SPARC: variants seen among roughly 807,000 people sequenced by gnomAD.
SPARC encodes the protein basement-membrane protein 40.
A neutral mutation model predicts 37.7 loss-of-function variants in SPARC; 23 were observed. That is an observed-to-expected ratio of 0.61 (90% CI 0.44 to 0.87). The LOEUF is 0.87. Among genes scored for constraint, SPARC ranks in the 40% least tolerant of loss-of-function variants. The pLI is 0.00. For missense variants in SPARC, 312 were observed against 389.0 expected, an observed-to-expected ratio of 0.80 and a Z score of 1.66; for synonymous variants, 155 against 150.8, an observed-to-expected ratio of 1.03 and a Z score of -0.20.
chr5:151,663,964 G>A (rs1760568249), intron 9 of SPARC, 123 bp downstream of exon 9: 1 of 1,167,318 alleles, frequency 8.6e-7, no homozygotes, highest in African/African-American at 1.5e-5. Context: ...AGAGAGAGCA[G>A]AGACAGGCAG....
At chr5:151,666,055 T>C (rs571138445) in intron 8 of SPARC, among the ~76,000 whole-genome samples, 131 of 152,324 alleles carry the variant, frequency 8.6e-4, no homozygotes, top group African/African-American at 3.1e-3. Context: ...CTGCCACCCC[T>C]TGGAGCCTGG....
rs2304048 is a variant in SPARC, at chr5:151,666,567, G to T, written c.586-58C>A. On this transcript the variant is annotated intron_variant, in intron 7 of 9. Transcript: ENST00000231061. ...TCCATGGAGATTGTCTGGACCAGTC[G>T]GGCCCTCCCACCCCTCCCAGAAGGC... is the stretch of plus-strand genomic sequence containing the variant. The T allele has an allele frequency of 3.6e-4, 549 of 1,546,266 alleles. 10 individuals carry two copies. The East Asian group carries it at 0.012, about 35-fold the overall frequency.
chr5:151,686,191 A>G (rs769048199), intron 1 of SPARC, among the ~76,000 whole-genome samples: 3 of 152,222 alleles, frequency 2.0e-5, no homozygotes, highest in Non-Finnish European at 4.4e-5. Context: ...TACCATCCCA[A>G]GGAACTCAGG....
chr5:151,678,420 T>C (rs1760911144), intron 1 of SPARC, among the ~76,000 whole-genome samples: 2 of 152,198 alleles, frequency 1.3e-5, no homozygotes, highest in South Asian at 4.1e-4. Flanking sequence ...CCCCCATCCC[T>C]GCTGTTGCAG....
intron 6 of SPARC, among the ~76,000 whole-genome samples, chr5:151,668,081 C>T (rs1732266129): frequency 1.3e-5 from 2 of 152,160 alleles, no homozygotes; most frequent in African/African-American, 4.8e-5. Context: ...ACTTAGAATC[C>T]CAAATGTTGG....
intron 1 of SPARC, chr5:151,686,521 C>T (rs1761144223): frequency 6.6e-6 from 1 of 152,194 alleles, no homozygotes; most frequent in African/African-American, 2.4e-5. Flanking sequence ...AGGAGGCTGC[C>T]ACATTTGCAA....
Position 151,672,814 on chromosome 5 carries a change from G to A in SPARC, c.208+315C>T, listed in dbSNP as rs561507389. The A allele has an allele frequency of 2.5e-5, 9 of 359,294 alleles. No individual in the cohort carries two copies. The South Asian group carries it at 2.8e-4, about 11-fold the overall frequency. 22.3% of individuals were successfully genotyped at this position (359,294 alleles called of 1,614,324 possible). On this transcript the variant is annotated intron_variant, in intron 4 of 9. Transcript: ENST00000231061. Reference sequence around the variant, plus strand: ...ATTTCGGTGACCAGATGTGATCAGCGACCTCCGTGGGACTGGGAAACTCAG... The same window carrying A: ...ATTTCGGTGACCAGATGTGATCAGCAACCTCCGTGGGACTGGGAAACTCAG...
rs1253854780 is a variant in SPARC, at chr5:151,667,793, T to C, written c.452-193A>G. Reference sequence around the variant, plus strand: ...GTGGGAAGAATGCCCTAGAAATGCATTGTGCAAAGGCATGGCTGCTGCTTT... The same window carrying C: ...GTGGGAAGAATGCCCTAGAAATGCACTGTGCAAAGGCATGGCTGCTGCTTT... On this transcript the variant is annotated intron_variant, in intron 6 of 9. Coordinates refer to ENST00000231061, the MANE Select transcript of SPARC (RefSeq NM_003118.4). 11 of 641,280 alleles carry C rather than the reference T, an allele frequency of 1.7e-5. No homozygotes were observed. The East Asian group carries it at 2.3e-4, about 13-fold the overall frequency. The allele number at this position is 641,280 out of a possible 1,614,324, so 39.7% of individuals were successfully genotyped here. A position where few individuals can be genotyped will look rare whatever the true frequency, so the allele number is the denominator to read the frequency against.
chr5:151,669,900 G>C (rs949741967), intron 5 of SPARC, 116 bp from the exon 6 acceptor site: 2 of 1,410,560 alleles, frequency 1.4e-6, no homozygotes, highest in African/African-American at 2.8e-5. Context: ...AATGTCATTA[G>C]CCTGAGGTCA....
At chr5:151,679,824 T>C (rs1358895318) in intron 1 of SPARC, 1 of 152,146 alleles carries the variant, frequency 6.6e-6, no homozygotes, top group Admixed American at 6.5e-5. Context: ...CACTGAACGT[T>C]AGAACAGGGG....
chr5:151,681,750 G>A (rs760566957), intron 1 of SPARC, among the ~76,000 whole-genome samples: 20 of 152,098 alleles, frequency 1.3e-4, no homozygotes, highest in African/African-American at 2.7e-4. Flanking sequence ...AAAATTAGCC[G>A]GGCATGGTGG....
Position 151,666,335 on chromosome 5 carries a change from G to A in SPARC, c.734+26C>T, listed in dbSNP as rs375318863. 1.8e-5 allele frequency: 29 copies of A among 1,606,112 alleles called. No individual in the cohort carries two copies. In the East Asian group the frequency reaches 6.5e-4, roughly 36 times the overall value. On this transcript the variant is annotated intron_variant, in intron 8 of 9. Transcript: ENST00000231061. The stretch of plus-strand genomic sequence containing the variant: ...AGTGCACCTGCCAGCCTTGAGCTCT[G>A]TTCACTCTAGGGTCTGGGGTCTTAC...
At chr5:151,663,755 T>C (rs1265494845) in intron 9 of SPARC, among the ~76,000 whole-genome samples, 156 bp from the exon 10 acceptor site, 4 of 152,212 alleles carry the variant, frequency 2.6e-5, no homozygotes, top group Admixed American at 2.6e-4. Context: ...AATCTCGCTC[T>C]CTCTGTCTCT....
chr5:151,677,354 T>C (rs1030106726), intron 1 of SPARC, among the ~76,000 whole-genome samples: 1 of 152,118 alleles, frequency 6.6e-6, no homozygotes, highest in Non-Finnish European at 1.5e-5. Context: ...CAAATAACCT[T>C]CCATCAGGAG....
At chr5:151,681,498 T>G (rs1159528001) in intron 1 of SPARC, among the ~76,000 whole-genome samples, 1 of 152,246 alleles carries the variant, frequency 6.6e-6, no homozygotes, top group Non-Finnish European at 1.5e-5. Context: ...TTCAATGAAG[T>G]CTTCTGCAGA....
chr5:151,682,154 G>A (rs1761007822), intron 1 of SPARC, among the ~76,000 whole-genome samples: 1 of 152,132 alleles, frequency 6.6e-6, no homozygotes, highest in Admixed American at 6.6e-5. Flanking sequence ...ATTTCCTGCT[G>A]GAAGGAAAGA....
intron 1 of SPARC, chr5:151,685,098 A>T (rs1360048094): frequency 6.6e-6 from 1 of 152,180 alleles, no homozygotes; most frequent in Non-Finnish European, 1.5e-5. Context: ...AGAGTGAGTC[A>T]GGCAGAGAAG....
chr5:151,685,835 A>G (rs1761126147), intron 1 of SPARC: 2 of 152,340 alleles, frequency 1.3e-5, no homozygotes, highest in African/African-American at 4.8e-5. Context: ...GCAGACTGGG[A>G]ATCCTGGAAG....
At chr5:151,671,326 T>G (rs1414253540) in intron 5 of SPARC, among the ~76,000 whole-genome samples, 1 of 152,204 alleles carries the variant, frequency 6.6e-6, no homozygotes, top group South Asian at 2.1e-4. Flanking sequence ...CTCTTAGCTC[T>G]AAGAGTCTGG....
Sources: gnomAD v4.1 joint callset for allele counts (sites outside exome capture counted in the v4.1 genomes callset) on GRCh38, gnomAD v4.1.1 for gene constraint, MANE v1.5 for transcripts, NCBI Gene and HGNC (gene_info 2026-07-23, HGNC 2026-07-21) for gene names.